RBFOX1: variants seen among roughly 807,000 people sequenced by gnomAD.
RBFOX1 encodes RNA binding protein fox-1 homolog 1.
In RBFOX1, 8 loss-of-function variants were observed where a neutral mutation model predicts 57.7. That is an observed-to-expected ratio of 0.14 (90% CI 0.08 to 0.25). RBFOX1 has a LOEUF of 0.25. Ranked by LOEUF, RBFOX1 falls within the 10% of genes least tolerant of loss-of-function variation. The pLI is 1.00. For missense variants in RBFOX1, 611 were observed against 548.5 expected (o/e 1.11, Z -1.14); for synonymous variants, 326 against 222.4 (o/e 1.47, Z -4.15).
intron 4 of RBFOX1, among the ~76,000 whole-genome samples, chr16:5,885,663 G>A (rs373839222): frequency 4.6e-5 from 7 of 152,150 alleles, no homozygotes; most frequent in Admixed American, 3.3e-4. Flanking sequence ...CTATGCTAAT[G>A]TTGCCCAGGG....
At chr16:7,020,447 C>T (rs2038660603) in intron 3 of RBFOX1, among the ~76,000 whole-genome samples, 1 of 152,102 alleles carries the variant, frequency 6.6e-6, no homozygotes, top group African/African-American at 2.4e-5. Flanking sequence ...TCTTGAACTC[C>T]TGATCTTGTC....
intron 10 of RBFOX1, among the ~76,000 whole-genome samples, chr16:7,623,439 C>T (rs189872122): frequency 2.4e-4 from 36 of 152,246 alleles, no homozygotes; most frequent in Admixed American, 1.2e-3. Flanking sequence ...GAGGCAGTGA[C>T]GGATCAGGCA....
chr16:7,085,720 C>T (rs537198093), intron 4 of RBFOX1, among the ~76,000 whole-genome samples: 6 of 152,232 alleles, frequency 3.9e-5, no homozygotes, highest in South Asian at 4.1e-4. Flanking sequence ...TCTCTGTCAC[C>T]GGAAACCATA....
chr16:7,184,187 G>A (rs940634038), intron 4 of RBFOX1, among the ~76,000 whole-genome samples: 2 of 152,170 alleles, frequency 1.3e-5, no homozygotes, highest in Admixed American at 6.5e-5. Flanking sequence ...AATTAGCTCC[G>A]TGAACAAGTG....
chr16:7,689,195 A>G lies in RBFOX1; in HGVS notation c.995+12357A>G, dbSNP rs188459093. ...TTAGATAGTAGCCGTTGCAATCAAC[A>G]TTCCCATGAGCCAAGACAAACACAG... On this transcript the variant is annotated intron_variant, in intron 14 of 15. Transcript: ENST00000550418. Among the ~76,000 whole-genome samples, 266 of 152,250 alleles carry G rather than the reference A, an allele frequency of 1.7e-3. 2 individuals are homozygous for G. Among genetic ancestry groups the G allele is most frequent in the African/African-American group, 5.9e-3 (245 of 41,572 alleles).
At chr16:6,866,573 G>T (rs1003667809) in intron 3 of RBFOX1, among the ~76,000 whole-genome samples, 2 of 65,654 alleles carry the variant, frequency 3.0e-5, no homozygotes, top group Non-Finnish European at 5.3e-5. Flanking sequence ...TTGGAGTCTC[G>T]CTCTGTCCCC....
chr16:6,470,572 A>G (rs1310166414), intron 2 of RBFOX1, among the ~76,000 whole-genome samples: 1 of 152,170 alleles, frequency 6.6e-6, no homozygotes, highest in South Asian at 2.1e-4. Context: ...CACTCCTCCA[A>G]GTAGAACACA....
intron 1 of RBFOX1, among the ~76,000 whole-genome samples, chr16:6,203,084 A>C (rs985347721): frequency 3.3e-5 from 5 of 151,356 alleles, no homozygotes; most frequent in African/African-American, 1.2e-4. Flanking sequence ...CTTAATGTTG[A>C]TTTTCCTTTT....
chr16:5,761,816 GTGT>G (rs2053604970), intron 3 of RBFOX1, among the ~76,000 whole-genome samples: 1 of 152,180 alleles, frequency 6.6e-6, no homozygotes, highest in East Asian at 1.9e-4. Context: ...AAGACATTCA[GTGT>G]CAGCAGGTGA....
At chr16:5,899,571 G>A (rs930053653) in intron 4 of RBFOX1, among the ~76,000 whole-genome samples, 7 of 152,194 alleles carry the variant, frequency 4.6e-5, no homozygotes, top group African/African-American at 2.4e-5. Context: ...GAAAGAGCTG[G>A]ATATTGAGCA....
chr16:7,086,025 C>T (rs913985308), intron 4 of RBFOX1, among the ~76,000 whole-genome samples: 1 of 152,168 alleles, frequency 6.6e-6, no homozygotes, highest in African/African-American at 2.4e-5. Flanking sequence ...TTTCTTACCT[C>T]TCTGAGATAG....
At chr16:6,299,786 G>T (rs953526644) in intron 1 of RBFOX1, among the ~76,000 whole-genome samples, 2 of 152,106 alleles carry the variant, frequency 1.3e-5, no homozygotes, top group African/African-American at 4.8e-5. Flanking sequence ...TATCACTAAG[G>T]GATCTTTGGG....
At chr16:5,401,891 C>G (rs758093048) in intron 1 of RBFOX1, among the ~76,000 whole-genome samples, 2 of 152,062 alleles carry the variant, frequency 1.3e-5, no homozygotes, top group South Asian at 2.1e-4. Flanking sequence ...GTCTCTGTCT[C>G]TCTTTCTTTT....
At chr16:5,953,974 C>G (rs1412495760) in intron 4 of RBFOX1, among the ~76,000 whole-genome samples, 1 of 152,084 alleles carries the variant, frequency 6.6e-6, no homozygotes, top group Non-Finnish European at 1.5e-5. Context: ...CCCCAGGGGA[C>G]ATTTGGAAAT....
At chr16:7,020,097 C>T (rs893285098) in intron 3 of RBFOX1, among the ~76,000 whole-genome samples, 1 of 151,982 alleles carries the variant, frequency 6.6e-6, no homozygotes, top group Non-Finnish European at 1.5e-5. Context: ...CTTCCATTGT[C>T]AAGGTATTTA....
intron 4 of RBFOX1, among the ~76,000 whole-genome samples, chr16:6,009,288 C>G (rs1490734574): frequency 6.6e-6 from 1 of 152,124 alleles, no homozygotes; most frequent in Non-Finnish European, 1.5e-5. Context: ...ACTGCCAACT[C>G]ATTTTCACGT....
chr16:6,109,940 T>C (rs2152571341), intron 1 of RBFOX1, among the ~76,000 whole-genome samples: 1 of 152,312 alleles, frequency 6.6e-6, no homozygotes, highest in Admixed American at 6.5e-5. Context: ...CCTGTGGTTT[T>C]ACTTTTTATG....
chr16:7,586,062 G>A (rs544872381), intron 6 of RBFOX1, among the ~76,000 whole-genome samples: 18 of 152,202 alleles, frequency 1.2e-4, no homozygotes, highest in African/African-American at 3.6e-4. Context: ...GGAATGATAG[G>A]AAAGCTCAAA....
chr16:7,592,590 G>A (rs1354375793), intron 7 of RBFOX1, among the ~76,000 whole-genome samples: 4 of 152,058 alleles, frequency 2.6e-5, no homozygotes, highest in South Asian at 2.1e-4. Flanking sequence ...TTTTCTTGCC[G>A]GGAGAGAATA....
Sources: gnomAD v4.1 joint callset for allele counts (sites outside exome capture counted in the v4.1 genomes callset) on GRCh38, gnomAD v4.1.1 for gene constraint, MANE v1.5 for transcripts, NCBI Gene and HGNC (gene_info 2026-07-23, HGNC 2026-07-21) for gene names.